Variants in RHBDD1 observed in about 807,000 individuals in gnomAD.
RHBDD1 encodes the protein rhomboid domain containing 1.
RHBDD1 carries 38 observed loss-of-function variants against 36.3 expected under a neutral mutation model. The ratio of observed to expected loss-of-function variants is 1.05; its 90% CI spans 0.81 to 1.37. The LOEUF is 1.37. Ranked by LOEUF, RHBDD1 falls within the 40% of genes most tolerant of loss-of-function variation. The probability of loss-of-function intolerance (pLI) is 0.00; values close to 1 mark genes in which losing one functional copy is unlikely to be tolerated. For missense variants in RHBDD1, 393 were observed against 377.6 expected (o/e 1.04, Z -0.34); for synonymous variants, 151 against 136.5 (o/e 1.11, Z -0.74).
chr2:226,914,390 C>T (rs1026208771), intron 8 of RHBDD1, 39 bp downstream of exon 8: 5 of 1,591,726 alleles, frequency 3.1e-6, no homozygotes, highest in East Asian at 4.5e-5. Context: ...TAAAGCATAC[C>T]TCATGTGGTA....
the RHBDD1 span, among the ~76,000 whole-genome samples, chr2:226,801,746 G>A: frequency 3.9e-5 from 6 of 152,272 alleles, no homozygotes; most frequent in East Asian, 1.2e-3. Context: ...TGCCTTACAG[G>A]GGGTAGGGCA....
At chr2:226,892,622 T>A (rs556366062) in intron 5 of RHBDD1, among the ~76,000 whole-genome samples, 28 of 152,266 alleles carry the variant, frequency 1.8e-4, no homozygotes, top group African/African-American at 6.7e-4. Context: ...ATAGAATAAG[T>A]AAGACCAACT....
At chr2:226,957,946 G>A (rs1951889400) in intron 8 of RHBDD1, among the ~76,000 whole-genome samples, 1 of 151,956 alleles carries the variant, frequency 6.6e-6, no homozygotes, top group Non-Finnish European at 1.5e-5. Context: ...AAAACTGATA[G>A]GATTGTAAAA....
chr2:226,812,488 A>T, the RHBDD1 span, among the ~76,000 whole-genome samples: 3 of 152,382 alleles, frequency 2.0e-5, no homozygotes, highest in South Asian at 6.2e-4. Context: ...GTCCATCAAT[A>T]GAGAACTTGC....
intron 5 of RHBDD1, among the ~76,000 whole-genome samples, chr2:226,870,429 C>T (rs1944702229): frequency 6.6e-6 from 1 of 152,038 alleles, no homozygotes; most frequent in Admixed American, 6.5e-5. Flanking sequence ...ACTTCCACTC[C>T]CTACTTCCCT....
chr2:226,944,244 C>A (rs1198620299), intron 8 of RHBDD1, among the ~76,000 whole-genome samples: 1 of 152,130 alleles, frequency 6.6e-6, no homozygotes, highest in East Asian at 1.9e-4. Context: ...GAGAAAATAA[C>A]CTACTACCAA....
At chr2:226,924,447 T>G (rs1168471806) in intron 8 of RHBDD1, among the ~76,000 whole-genome samples, 2 of 152,162 alleles carry the variant, frequency 1.3e-5, no homozygotes, top group Non-Finnish European at 2.9e-5. Flanking sequence ...AAATAGTCTC[T>G]TCCAGAGCTG....
At chr2:226,935,349 T>TA (rs1331256872) in intron 8 of RHBDD1, 1 of 152,164 alleles carries the variant, frequency 6.6e-6, no homozygotes, top group Admixed American at 6.6e-5. Flanking sequence ...CCAATTGAGA[T>TA]ACGCTTTAAG....
At chr2:226,859,597 G>C (rs945775539) in intron 3 of RHBDD1, among the ~76,000 whole-genome samples, 2 of 152,078 alleles carry the variant, frequency 1.3e-5, no homozygotes, top group Non-Finnish European at 2.9e-5. Context: ...GGTAGCTCTG[G>C]GTGTTGTTGG....
chr2:226,822,703 G>T, the RHBDD1 span, among the ~76,000 whole-genome samples: 2 of 151,504 alleles, frequency 1.3e-5, no homozygotes, highest in African/African-American at 4.8e-5. Context: ...GAGTGACAAT[G>T]TTTGTGTCCC....
rs551112942 is a variant in RHBDD1, at chr2:226,934,678, C to A, written c.856+20327C>A. Among the ~76,000 whole-genome samples the A allele has an allele frequency of 3.5e-4, 53 of 152,152 alleles. No homozygotes were observed. In the South Asian group the frequency reaches 0.011, roughly 30 times the overall value. On this transcript the variant is annotated intron_variant, in intron 8 of 8. Coordinates refer to ENST00000392062, the MANE Select transcript of RHBDD1 (RefSeq NM_001167608.3). The stretch of plus-strand genomic sequence containing the variant: ...CAAAAATCTTGTCTTGTTCTGTTGG[C>A]AGTCTCAGCTTTTATAAATGAATCC...
intron 5 of RHBDD1, among the ~76,000 whole-genome samples, chr2:226,887,618 GAC>G (rs1946342522): frequency 6.6e-6 from 1 of 152,254 alleles, no homozygotes; most frequent in African/African-American, 2.4e-5. Context: ...GCTAATGAAA[GAC>G]AGTGTGTACA....
Position 226,999,095 on chromosome 2 carries a change from T to C in RHBDD1, c.*3573T>C, listed in dbSNP as rs2149657940. The C allele has an allele frequency of 1.3e-5, 2 of 152,372 alleles. No individual in the cohort carries two copies. The highest frequency in any genetic ancestry group is 3.9e-4 in the East Asian group (2 of 5,188). The allele number at this position is 152,372 out of a possible 1,614,324, so 9.4% of individuals were successfully genotyped here. A position where few individuals can be genotyped will look rare whatever the true frequency, so the allele number is the denominator to read the frequency against. Reference sequence around the variant, plus strand: ...ATGAGAGAATGTCTTTGTCTTTAAATTGTAAGCTTCATGAGGGCAGGGACC... The same window carrying C: ...ATGAGAGAATGTCTTTGTCTTTAAACTGTAAGCTTCATGAGGGCAGGGACC... On this transcript the variant is annotated 3_prime_UTR_variant, in exon 9 of 9. Coordinates refer to ENST00000392062, the MANE Select transcript of RHBDD1 (RefSeq NM_001167608.3).
At chr2:226,866,989 T>G (rs1422914035) in intron 4 of RHBDD1, among the ~76,000 whole-genome samples, 197 bp from the exon 5 acceptor site, 1 of 152,246 alleles carries the variant, frequency 6.6e-6, no homozygotes, top group Non-Finnish European at 1.5e-5. Flanking sequence ...CTTCTATATT[T>G]AGAAACATCA....
intron 5 of RHBDD1, among the ~76,000 whole-genome samples, chr2:226,889,250 A>G (rs1048872649): frequency 3.3e-5 from 5 of 152,322 alleles, no homozygotes; most frequent in Admixed American, 3.3e-4. Context: ...CCATTCGGCT[A>G]GAGGTGGACT....
intron 8 of RHBDD1, among the ~76,000 whole-genome samples, chr2:226,918,069 A>G (rs1034579095): frequency 1.3e-5 from 2 of 152,062 alleles, no homozygotes; most frequent in Non-Finnish European, 1.5e-5. Context: ...AAAATAGAAA[A>G]TAATTTTAAC....
intron 5 of RHBDD1, chr2:226,867,661 G>A (rs1192912967): frequency 3.3e-5 from 32 of 983,690 alleles, no homozygotes; most frequent in Middle Eastern, 5.2e-4. Flanking sequence ...TAGAAACCAC[G>A]TAACTATAAA....
At chr2:226,854,286 AGATT>A (rs1048408658) in intron 3 of RHBDD1, among the ~76,000 whole-genome samples, 2 of 152,078 alleles carry the variant, frequency 1.3e-5, no homozygotes, top group Non-Finnish European at 2.9e-5. Flanking sequence ...ACTGAGGTAG[AGATT>A]GATTAACAAC....
At chr2:226,982,203 T>C (rs553978406) in intron 8 of RHBDD1, among the ~76,000 whole-genome samples, 25 of 152,368 alleles carry the variant, frequency 1.6e-4, no homozygotes, top group Admixed American at 1.4e-3. Flanking sequence ...TGGTTACCTT[T>C]GATACCAGCC....
Sources: allele counts gnomAD v4.1 joint callset (sites outside exome capture counted in the v4.1 genomes callset), GRCh38; gene constraint gnomAD v4.1.1; transcripts MANE v1.5; gene names NCBI Gene and HGNC (gene_info 2026-07-23, HGNC 2026-07-21).